FGD6: variants seen among roughly 807,000 people sequenced by gnomAD.
FGD6 encodes FYVE, RhoGEF and PH domain-containing protein 6.
A neutral mutation model predicts 149.4 loss-of-function variants in FGD6; 90 were observed. The observed-to-expected ratio is 0.60, with a 90% CI of 0.51 to 0.72. The LOEUF (loss-of-function observed/expected upper bound fraction) is 0.72, where lower values mean the gene tolerates loss of function less well. Among genes scored for constraint, FGD6 ranks in the 30% least tolerant of loss-of-function variants. The probability of loss-of-function intolerance (pLI) is 0.00; values close to 1 mark genes in which losing one functional copy is unlikely to be tolerated. For missense variants in FGD6, 1,437 were observed against 1,684.8 expected (o/e 0.85, Z 2.57); for synonymous variants, 527 against 584.0 (o/e 0.90, Z 1.41).
intron 14 of FGD6, among the ~76,000 whole-genome samples, chr12:95,097,634 CAAAA>C (rs34057454): frequency 8.3e-4 from 36 of 43,384 alleles, no homozygotes; most frequent in African/African-American, 3.5e-3. Context: ...GACTCTGTCT[CAAAA>C]AAAAAAAAAA....
At chr12:95,124,407 A>G (rs1053398828) in intron 8 of FGD6, among the ~76,000 whole-genome samples, 12 of 152,200 alleles carry the variant, frequency 7.9e-5, no homozygotes, top group Non-Finnish European at 1.8e-4. Context: ...TTATTACCTA[A>G]CAGCCAAGCG....
intron 2 of FGD6, among the ~76,000 whole-genome samples, chr12:95,187,663 CAA>C (rs994279044): frequency 7.3e-6 from 1 of 137,240 alleles, no homozygotes. Context: ...AAAAAAAAAA[CAA>C]AAAAAAAAAA....
intron 14 of FGD6, chr12:95,100,825 G>A: frequency 7.3e-6 from 3 of 409,512 alleles, no homozygotes; most frequent in South Asian, 4.1e-5. Flanking sequence ...TAAGGATCAG[G>A]ACCTTGCCGT....
intron 2 of FGD6, among the ~76,000 whole-genome samples, chr12:95,182,992 C>T (rs10777671): frequency 0.88 from 134,073 of 152,294 alleles, 59,392 homozygotes; most frequent in East Asian, 0.97. Context: ...GAAAAGGTGG[C>T]GAGCCTTTTG....
intron 2 of FGD6, among the ~76,000 whole-genome samples, chr12:95,188,093 C>T (rs1881495024): frequency 6.6e-6 from 1 of 152,152 alleles, no homozygotes; most frequent in African/African-American, 2.4e-5. Context: ...GATAAGCATA[C>T]CTCACGTATG....
In FGD6 at chr12:95,163,108, T is replaced by C. The variant is rs543159605; in HGVS notation, c.2586+9492A>G. Among the ~76,000 whole-genome samples, 25 of 152,310 alleles carry C rather than the reference T, an allele frequency of 1.6e-4. No homozygotes were observed. In the East Asian group the frequency reaches 4.6e-3, roughly 28 times the overall value. Reference sequence around the variant, plus strand: ...ATGGATAACAAAGATTCAAGTTTCTTTCGCCAAGGGTATTAGGCATTTCTC... The same window carrying C: ...ATGGATAACAAAGATTCAAGTTTCTCTCGCCAAGGGTATTAGGCATTTCTC... On this transcript the variant is annotated intron_variant, in intron 3 of 20. Coordinates refer to ENST00000343958, the MANE Select transcript of FGD6 (RefSeq NM_018351.4).
At position 95,089,703 on chromosome 12, in the gene FGD6, C is replaced by T. The variant is rs199544746; in HGVS notation, c.3851-7G>A. 2.5e-6 allele frequency: 4 copies of T among 1,612,610 alleles called. No individual in the cohort carries two copies. The highest frequency in any genetic ancestry group is 2.5e-6 in the Non-Finnish European group (3 of 1,179,312). ...CTAGGGGAGTGCTGGTGATCTAGAA[C>T]AAATCAGGCATGCTTATGTAGGCAA... On this transcript the variant is annotated splice_polypyrimidine_tract_variant and splice_region_variant and intron_variant, in intron 17 of 20. Coordinates refer to ENST00000343958, the MANE Select transcript of FGD6 (RefSeq NM_018351.4).
chr12:95,169,437 C>T (rs565583563), intron 3 of FGD6, among the ~76,000 whole-genome samples: 94 of 151,402 alleles, frequency 6.2e-4, no homozygotes, highest in African/African-American at 1.9e-3. Context: ...CAATATAGCA[C>T]AACTAATAAC....
intron 14 of FGD6, among the ~76,000 whole-genome samples, chr12:95,095,859 C>T (rs1393441859): frequency 3.3e-5 from 5 of 151,886 alleles, no homozygotes; most frequent in Non-Finnish European, 5.9e-5. Context: ...ACTAAAAATA[C>T]AAAAGTTAGC....
intron 9 of FGD6, among the ~76,000 whole-genome samples, chr12:95,111,070 T>C (rs1592836315): frequency 6.6e-6 from 1 of 151,914 alleles, no homozygotes; most frequent in Admixed American, 6.6e-5. Flanking sequence ...ACAACCTCCA[T>C]CTCCCAGGTT....
chr12:95,142,694 A>G (rs1045402055), intron 5 of FGD6, among the ~76,000 whole-genome samples: 5 of 152,204 alleles, frequency 3.3e-5, no homozygotes, highest in African/African-American at 1.2e-4. Flanking sequence ...TAGTTATGAG[A>G]CTTTAATTAG....
chr12:95,122,645 CAAAAAAAAAAA>C (rs397687285), intron 8 of FGD6, among the ~76,000 whole-genome samples: 1 of 64,430 alleles, frequency 1.6e-5, no homozygotes, highest in Admixed American at 2.3e-4. Context: ...GACTCAGTCT[CAAAAAAAAAAA>C]AAAAAAAAAA....
At chr12:95,102,533 A>G (rs1371783068) in intron 14 of FGD6, among the ~76,000 whole-genome samples, 6 of 151,666 alleles carry the variant, frequency 4.0e-5, no homozygotes, top group Non-Finnish European at 1.5e-5. Context: ...GTTTACCTGC[A>G]CTCTCTAAAT....
At chr12:95,157,943 G>C (rs1880522275) in intron 3 of FGD6, among the ~76,000 whole-genome samples, 1 of 152,128 alleles carries the variant, frequency 6.6e-6, no homozygotes, top group South Asian at 2.1e-4. Flanking sequence ...CACCTCCCGG[G>C]TTCAAGCGAT....
At chr12:95,161,749 C>CT (rs1266447246) in intron 3 of FGD6, among the ~76,000 whole-genome samples, 2 of 152,106 alleles carry the variant, frequency 1.3e-5, no homozygotes, top group Admixed American at 1.3e-4. Context: ...CATCTTTACA[C>CT]TTTCATTTTA....
intron 2 of FGD6, among the ~76,000 whole-genome samples, chr12:95,174,360 C>G (rs1454115804): frequency 6.6e-6 from 1 of 152,102 alleles, no homozygotes; most frequent in Non-Finnish European, 1.5e-5. Flanking sequence ...TATCGTAATT[C>G]CTTATCTCTT....
chr12:95,100,842 G>A lies in FGD6; in HGVS notation c.3497+4165C>T, dbSNP rs61995686. The A allele has an allele frequency of 7.1e-3, 2,765 of 390,482 alleles. 16 individuals are homozygous for A. The highest frequency in any genetic ancestry group is 0.015 in the Middle Eastern group (37 of 2,492). 24.2% of individuals were successfully genotyped at this position (390,482 alleles called of 1,614,324 possible). On this transcript the variant is annotated intron_variant, in intron 14 of 20. Transcript: ENST00000343958. Reference sequence around the variant, plus strand: ...AGGATCAGGACCTTGCCGTCTTGTTGGGCATGCTGGATCCTCCTGAGTTGG... The same window carrying A: ...AGGATCAGGACCTTGCCGTCTTGTTAGGCATGCTGGATCCTCCTGAGTTGG...
At chr12:95,124,498 A>G (rs1359194213) in intron 8 of FGD6, among the ~76,000 whole-genome samples, 3 of 152,234 alleles carry the variant, frequency 2.0e-5, no homozygotes. Flanking sequence ...GGTCCTGATG[A>G]GAGCCCATGA....
At chr12:95,144,988 C>CTT (rs34338776) in intron 5 of FGD6, among the ~76,000 whole-genome samples, 4,451 of 98,718 alleles carry the variant, frequency 0.045, 365 homozygotes, top group South Asian at 0.07. Flanking sequence ...CGCACCCGGC[C>CTT]TTTTTTTTTT....
Sources: gnomAD v4.1 joint callset for allele counts (sites outside exome capture counted in the v4.1 genomes callset) on GRCh38, gnomAD v4.1.1 for gene constraint, MANE v1.5 for transcripts, NCBI Gene and HGNC (gene_info 2026-07-23, HGNC 2026-07-21) for gene names.